MRTFA: variants seen among roughly 807,000 people sequenced by gnomAD.
MRTFA encodes the protein myocardin related transcription factor A.
Under a neutral mutation model 83.5 loss-of-function variants are expected in MRTFA, and 20 were observed. The observed-to-expected ratio is 0.24, with a 90% CI of 0.17 to 0.35. The LOEUF (loss-of-function observed/expected upper bound fraction) is 0.35. Ranked by LOEUF, MRTFA falls within the 10% of genes least tolerant of loss-of-function variation. The probability of loss-of-function intolerance (pLI) is 1.00; values close to 1 mark genes in which losing one functional copy is unlikely to be tolerated. For missense variants in MRTFA, 1,200 were observed against 1,224.7 expected (o/e 0.98, Z 0.30); for synonymous variants, 659 against 541.2 (o/e 1.22, Z -3.02).
In MRTFA at chr22:40,418,918, G is replaced by T; in HGVS notation, c.1820C>A (p.Ser607Tyr). The change falls in exon 12 of 15, where the codon TCC becomes TAC. Residue 607 changes from serine to tyrosine, a missense_variant. Physicochemically the swap from Ser to Tyr is moderately radical, Grantham distance 144 (BLOSUM62 -2). This residue lies in a region of MRTFA where 1,107 missense variants were observed against 1,041.8 expected (regional missense o/e 1.06). Transcript: ENST00000355630. The stretch of plus-strand genomic sequence containing the variant: ...CCGCCCCCCAGGGCTCAGGCAACAG[G>T]ACCCGGCCCGGGGGCCCTCCTCCTT... 1 of 1,612,798 alleles carries T rather than the reference G, an allele frequency of 6.2e-7. No homozygotes were observed. Among genetic ancestry groups the T allele is most frequent in the Non-Finnish European group, 8.5e-7 (1 of 1,179,908 alleles).
intron 3 of MRTFA, among the ~76,000 whole-genome samples, chr22:40,482,263 G>A (rs1452697067): frequency 6.6e-6 from 1 of 152,048 alleles, no homozygotes; most frequent in Non-Finnish European, 1.5e-5. Flanking sequence ...CAAAGCTTGT[G>A]CTTTTTCTAC....
At chr22:40,470,231 T>TTATATATA (rs71328709) in intron 3 of MRTFA, among the ~76,000 whole-genome samples, 207 of 45,470 alleles carry the variant, frequency 4.6e-3, no homozygotes, top group African/African-American at 6.2e-3. Flanking sequence ...CTCCAAAATT[T>TTATATATA]TATATATATA....
At chr22:40,429,317 G>T in intron 7 of MRTFA, 1 of 613,452 alleles carries the variant, frequency 1.6e-6, no homozygotes, top group East Asian at 2.7e-5. Flanking sequence ...TATCTACTCT[G>T]TGAAAGAGGA....
chr22:40,618,080 G>GTTTT (rs66504883), intron 1 of MRTFA, among the ~76,000 whole-genome samples: 1 of 141,650 alleles, frequency 7.1e-6, no homozygotes, highest in Non-Finnish European at 1.6e-5. Flanking sequence ...GTTGTTTTTT[G>GTTTT]TTTTTTTTTT....
intron 3 of MRTFA, chr22:40,533,921 C>T (rs539819451): frequency 1.5e-4 from 47 of 308,418 alleles, no homozygotes; most frequent in African/African-American, 9.3e-4. Flanking sequence ...TGCTATTCGT[C>T]TCTGGGGGAG....
At chr22:40,601,447 G>A (rs747876960) in intron 1 of MRTFA, among the ~76,000 whole-genome samples, 3 of 152,080 alleles carry the variant, frequency 2.0e-5, no homozygotes, top group Admixed American at 6.6e-5. Context: ...AGCTTCAAGC[G>A]ATCCTCCTGC....
intron 2 of MRTFA, among the ~76,000 whole-genome samples, chr22:40,579,620 G>T (rs973815506): frequency 1.3e-5 from 2 of 152,088 alleles, no homozygotes; most frequent in African/African-American, 4.8e-5. Flanking sequence ...AACACTTTAG[G>T]AGGCCAAGGT....
intron 1 of MRTFA, among the ~76,000 whole-genome samples, chr22:40,602,298 T>C (rs890203427): frequency 2.6e-5 from 4 of 152,156 alleles, no homozygotes; most frequent in Non-Finnish European, 5.9e-5. Flanking sequence ...AAAATCCCTA[T>C]TCAAGTCATG....
chr22:40,635,283 C>T (rs2056682871), intron 1 of MRTFA, among the ~76,000 whole-genome samples: 1 of 152,136 alleles, frequency 6.6e-6, no homozygotes, highest in Non-Finnish European at 1.5e-5. Flanking sequence ...GCGTAAGTGA[C>T]ATTTGGAGTT....
chr22:40,566,467 G>A (rs927201843), intron 2 of MRTFA, among the ~76,000 whole-genome samples: 5 of 151,848 alleles, frequency 3.3e-5, no homozygotes, highest in African/African-American at 4.8e-5. Flanking sequence ...TGATCCACCC[G>A]CCTCAGCCTC....
chr22:40,606,252 T>A (rs1013688770), intron 1 of MRTFA, among the ~76,000 whole-genome samples: 1 of 151,948 alleles, frequency 6.6e-6, no homozygotes, highest in Non-Finnish European at 1.5e-5. Context: ...GAAAGGAAAA[T>A]AAATTTCACC....
At chr22:40,459,656 G>A (rs191669022) in intron 4 of MRTFA, among the ~76,000 whole-genome samples, 66 of 151,182 alleles carry the variant, frequency 4.4e-4, no homozygotes, top group East Asian at 1.2e-3. Context: ...TCAATAGAGC[G>A]GTATCTATTT....
At chr22:40,500,717 C>T (rs1008377876) in intron 3 of MRTFA, among the ~76,000 whole-genome samples, 115 of 150,232 alleles carry the variant, frequency 7.7e-4, no homozygotes, top group Non-Finnish European at 1.4e-3. Flanking sequence ...GGGGTAAGGT[C>T]ACAGATCAAC....
At chr22:40,505,516 C>G (rs558469131) in intron 3 of MRTFA, among the ~76,000 whole-genome samples, 2 of 152,346 alleles carry the variant, frequency 1.3e-5, no homozygotes, top group East Asian at 3.8e-4. Flanking sequence ...TACATGGTAG[C>G]TAATCTTACT....
chr22:40,526,340 A>G (rs2147267814), intron 3 of MRTFA: 1 of 152,272 alleles, frequency 6.6e-6, no homozygotes, highest in East Asian at 1.9e-4. Context: ...GCCCAAAAGT[A>G]ACATCTGATC....
chr22:40,520,430 G>A lies in MRTFA; in HGVS notation c.241+31676C>T, dbSNP rs747607477. Among the ~76,000 whole-genome samples the A allele has an allele frequency of 5.3e-5, 8 of 150,688 alleles. No homozygotes were observed. The South Asian group carries it at 8.4e-4, about 16-fold the overall frequency. On this transcript the variant is annotated intron_variant, in intron 3 of 14. Coordinates refer to ENST00000355630, the MANE Select transcript of MRTFA (RefSeq NM_020831.6). Reference sequence around the variant, plus strand: ...GGTTCATCATTTTTTTTTTTAAGACGAGTCTCGTTCTGTCACCCAGGCTAG... The same window carrying A: ...GGTTCATCATTTTTTTTTTTAAGACAAGTCTCGTTCTGTCACCCAGGCTAG...
At chr22:40,509,826 G>A (rs1170285940) in intron 3 of MRTFA, among the ~76,000 whole-genome samples, 1 of 151,334 alleles carries the variant, frequency 6.6e-6, no homozygotes, top group Admixed American at 6.6e-5. Context: ...CCAACTTCAA[G>A]TTCCCTTAGG....
chr22:40,487,665 G>A (rs2054195279), intron 3 of MRTFA, among the ~76,000 whole-genome samples: 3 of 152,276 alleles, frequency 2.0e-5, no homozygotes, highest in African/African-American at 7.2e-5. Flanking sequence ...AACATACACT[G>A]AATCTAATCA....
chr22:40,433,641 G>C (rs2053113001), intron 5 of MRTFA: 2 of 152,352 alleles, frequency 1.3e-5, no homozygotes, highest in African/African-American at 4.8e-5. Flanking sequence ...TCCAACACCA[G>C]AAAAAGAAAT....
Sources: gnomAD v4.1 joint callset for allele counts (sites outside exome capture counted in the v4.1 genomes callset) on GRCh38, gnomAD v4.1.1 for gene constraint, gnomAD v4.1.1 regional missense constraint, MANE v1.5 for transcripts, NCBI Gene and HGNC (gene_info 2026-07-23, HGNC 2026-07-21) for gene names.